The following PDZD2 variants were observed in gnomAD, a reference collection of about 807,000 sequenced individuals.
The protein encoded by PDZD2 is PDZ domain containing 2, also known as PDZ domain-containing protein 2.
PDZD2 carries 90 observed loss-of-function variants against 220.7 expected under a neutral mutation model. The ratio of observed to expected loss-of-function variants is 0.41; its 90% CI spans 0.34 to 0.49. The LOEUF (loss-of-function observed/expected upper bound fraction) is 0.49, where lower values mean the gene tolerates loss of function less well. Ranked by LOEUF, PDZD2 falls within the 20% of genes least tolerant of loss-of-function variation. The probability of loss-of-function intolerance (pLI) is 0.28; values close to 1 mark genes in which losing one functional copy is unlikely to be tolerated. For missense variants in PDZD2, 3,174 were observed against 3,608.5 expected, an observed-to-expected ratio of 0.88 and a Z score of 3.08; for synonymous variants, 1,375 against 1,450.5, an observed-to-expected ratio of 0.95 and a Z score of 1.18.
At chr5:31,773,054 AG>A (rs1156684656) in intron 1 of PDZD2, among the ~76,000 whole-genome samples, 1 of 152,244 alleles carries the variant, frequency 6.6e-6, no homozygotes, top group Admixed American at 6.5e-5. Context: ...CTATGGGATT[AG>A]GAAGTGAAAG....
At chr5:31,712,827 C>T (rs1030215827) in intron 1 of PDZD2, among the ~76,000 whole-genome samples, 5 of 152,090 alleles carry the variant, frequency 3.3e-5, no homozygotes, top group Non-Finnish European at 2.9e-5. Context: ...CCTGGGGTCG[C>T]GTTAAGGGCA....
chr5:31,668,725 A>G (rs142808904), intron 1 of PDZD2, among the ~76,000 whole-genome samples: 6 of 152,314 alleles, frequency 3.9e-5, no homozygotes, highest in Non-Finnish European at 8.8e-5. Context: ...GGAAAACAAA[A>G]TAATTCAAAA....
intron 2 of PDZD2, among the ~76,000 whole-genome samples, chr5:31,827,868 C>T (rs1756325236): frequency 6.6e-6 from 1 of 152,088 alleles, no homozygotes; most frequent in East Asian, 1.9e-4. Context: ...AAAGAAGACA[C>T]ATACCTATTA....
At chr5:31,987,618 C>T (rs1750818174) in intron 3 of PDZD2, among the ~76,000 whole-genome samples, 1 of 152,250 alleles carries the variant, frequency 6.6e-6, no homozygotes, top group Non-Finnish European at 1.5e-5. Flanking sequence ...TTTGTGCCAA[C>T]TGCCTGCAGG....
chr5:31,870,894 A>C (rs1017356583), intron 2 of PDZD2, among the ~76,000 whole-genome samples: 133 of 152,062 alleles, frequency 8.7e-4, no homozygotes, highest in South Asian at 1.9e-3. Context: ...GTCTCAAAAA[A>C]AAAAAAAAAA....
chr5:32,095,254 T>C (rs1310505139), intron 21 of PDZD2, among the ~76,000 whole-genome samples: 5 of 152,088 alleles, frequency 3.3e-5, no homozygotes, highest in African/African-American at 1.2e-4. Context: ...CGAGGCAGGG[T>C]TGTGGTTTGG....
At position 32,109,218 on chromosome 5, in the gene PDZD2, C is replaced by CTCTT. The variant is rs1491201975; in HGVS notation, c.*1086_*1089dup. The stretch of plus-strand genomic sequence containing the variant: ...TTAGGAGACTGGTTGGTTTTTTTCC[C>CTCTT]TCTTTCCCAACATGTTTAAGAAATG... On this transcript the variant is annotated 3_prime_UTR_variant, in exon 25 of 25. Coordinates refer to ENST00000438447, the MANE Select transcript of PDZD2 (RefSeq NM_178140.4). 12 of 152,292 alleles carry CTCTT rather than the reference C, an allele frequency of 7.9e-5. No homozygotes were observed. Among genetic ancestry groups the CTCTT allele is most frequent in the African/African-American group, 2.6e-4 (11 of 41,564 alleles). 9.4% of individuals were successfully genotyped at this position (152,292 alleles called of 1,614,324 possible).
chr5:32,029,770 A>T (rs1431962256), intron 6 of PDZD2, among the ~76,000 whole-genome samples: 1 of 152,244 alleles, frequency 6.6e-6, no homozygotes, highest in Non-Finnish European at 1.5e-5. Flanking sequence ...ATGTAACAAC[A>T]GCCTCTGTCT....
intron 1 of PDZD2, among the ~76,000 whole-genome samples, chr5:31,690,091 G>A (rs1307789381): frequency 6.6e-6 from 1 of 152,008 alleles, no homozygotes; most frequent in Non-Finnish European, 1.5e-5. Context: ...AGATCATTTG[G>A]GATCAAAAGC....
intron 2 of PDZD2, among the ~76,000 whole-genome samples, chr5:31,961,508 T>C (rs778697107): frequency 6.6e-6 from 1 of 152,124 alleles, no homozygotes; most frequent in Non-Finnish European, 1.5e-5. Flanking sequence ...CACTCCAACC[T>C]GGGCAACAGA....
chr5:31,746,737 C>T (rs1467207256), intron 1 of PDZD2, among the ~76,000 whole-genome samples: 10 of 151,504 alleles, frequency 6.6e-5, no homozygotes, highest in Non-Finnish European at 1.5e-4. Context: ...CTGTGCTCTG[C>T]ACTCTTTCCA....
chr5:31,701,831 G>A (rs1274083258), intron 1 of PDZD2, among the ~76,000 whole-genome samples: 5 of 152,236 alleles, frequency 3.3e-5, no homozygotes, highest in Non-Finnish European at 5.9e-5. Flanking sequence ...CAGTCCGTAA[G>A]TTAATTAGCA....
chr5:31,973,444 G>A (rs546078307), intron 2 of PDZD2, among the ~76,000 whole-genome samples: 49 of 152,014 alleles, frequency 3.2e-4, no homozygotes, highest in African/African-American at 1.1e-3. Flanking sequence ...CTCCCTCTTC[G>A]TACTCCTTAA....
intron 1 of PDZD2, chr5:31,787,679 T>C (rs973327819): frequency 6.6e-5 from 10 of 152,150 alleles, no homozygotes; most frequent in Non-Finnish European, 1.5e-4. Flanking sequence ...CCTGCCTTGA[T>C]GTTCATTTCT....
At chr5:32,049,720 A>G (rs1742252885) in intron 8 of PDZD2, among the ~76,000 whole-genome samples, 1 of 152,170 alleles carries the variant, frequency 6.6e-6, no homozygotes, top group Non-Finnish European at 1.5e-5. Context: ...ACAAGTGCCC[A>G]TGTTTCAGGG....
chr5:31,828,337 C>T (rs993110044), intron 2 of PDZD2, among the ~76,000 whole-genome samples: 2 of 152,188 alleles, frequency 1.3e-5, no homozygotes, highest in African/African-American at 4.8e-5. Flanking sequence ...ACATTCCTGC[C>T]AACACTTGTG....
At chr5:31,667,235 C>CAAAAA (rs3031718) in intron 1 of PDZD2, among the ~76,000 whole-genome samples, 38 of 52,776 alleles carry the variant, frequency 7.2e-4, no homozygotes, top group African/African-American at 1.1e-3. Context: ...GACTCCGTCT[C>CAAAAA]AAAAAAAAAA....
At chr5:32,009,845 AT>A (rs1313337865) in intron 5 of PDZD2, among the ~76,000 whole-genome samples, 2 of 152,026 alleles carry the variant, frequency 1.3e-5, no homozygotes, top group African/African-American at 4.8e-5. Flanking sequence ...TAATCCCAGC[AT>A]TTTGGGAGGC....
chr5:31,920,585 T>C (rs139566628), intron 2 of PDZD2, among the ~76,000 whole-genome samples: 209 of 151,322 alleles, frequency 1.4e-3, no homozygotes, highest in African/African-American at 4.7e-3. Context: ...GACAGGAAGA[T>C]CACTTGAGGC....
Sources: gnomAD v4.1 joint callset for allele counts (sites outside exome capture counted in the v4.1 genomes callset) on GRCh38, gnomAD v4.1.1 for gene constraint, MANE v1.5 for transcripts, NCBI Gene and HGNC (gene_info 2026-07-23, HGNC 2026-07-21) for gene names.